Variants in MYO16 observed in about 807,000 individuals in gnomAD.
MYO16 encodes the protein unconventional myosin-XVI.
In MYO16, 94 loss-of-function variants were observed where a neutral mutation model predicts 205.3. The observed-to-expected ratio is 0.46, with a 90% confidence interval of 0.39 to 0.54. The LOEUF is 0.54. MYO16 is among the 20% of genes least tolerant of loss of function. MYO16 has a pLI of 0.00. For missense variants in MYO16, 2,315 were observed against 2,387.5 expected (o/e 0.97, Z 0.63); for synonymous variants, 988 against 954.0 (o/e 1.04, Z -0.66).
intron 23 of MYO16, among the ~76,000 whole-genome samples, chr13:109,023,152 TTATA>T (rs1435523136): frequency 1.5e-4 from 20 of 130,310 alleles, no homozygotes; most frequent in African/African-American, 5.6e-4. Flanking sequence ...TGTTTATGTA[TTATA>T]TATACAAATA....
At position 109,207,854 on chromosome 13, in the gene MYO16, C is replaced by T. The variant is rs1880670324; in HGVS notation, c.*1018C>T. 6.6e-6 allele frequency: 1 copy of T among 152,254 alleles called. No homozygotes were observed. The highest frequency in any genetic ancestry group is 1.9e-4 in the East Asian group (1 of 5,192). The allele number at this position is 152,254 out of a possible 1,614,324, so 9.4% of individuals were successfully genotyped here. ...GTATATCCTCAACCCTCCCATAATG[C>T]AAGGCCTTGTTCATTGATGTGCTTT... On this transcript the variant is annotated 3_prime_UTR_variant, in exon 35 of 35. Coordinates refer to ENST00000457511, the MANE Select transcript of MYO16 (RefSeq NM_001198950.3).
intron 23 of MYO16, among the ~76,000 whole-genome samples, chr13:109,024,739 T>C (rs1275452256): frequency 6.6e-6 from 1 of 152,166 alleles, no homozygotes; most frequent in Non-Finnish European, 1.5e-5. Context: ...TATAAAAATC[T>C]TTTATTGTAC....
At chr13:108,950,992 T>G (rs529199396) in intron 16 of MYO16, among the ~76,000 whole-genome samples, 162 of 152,336 alleles carry the variant, frequency 1.1e-3, no homozygotes, top group Non-Finnish European at 2.0e-3. Flanking sequence ...CTTTATAAAC[T>G]TGATAACAGA....
At chr13:109,145,134 T>G (rs1056095393) in intron 32 of MYO16, among the ~76,000 whole-genome samples, 3 of 152,222 alleles carry the variant, frequency 2.0e-5, no homozygotes, top group African/African-American at 7.2e-5. Context: ...TTGTAGTGCT[T>G]ACTGTGCCAG....
intron 23 of MYO16, among the ~76,000 whole-genome samples, chr13:109,026,376 G>T (rs1454416056): frequency 6.6e-6 from 1 of 152,194 alleles, no homozygotes. Flanking sequence ...ACCACGGGGG[G>T]AGGTATTGAA....
At chr13:108,698,525 A>G (rs1393080831) in intron 2 of MYO16, among the ~76,000 whole-genome samples, 3 of 152,210 alleles carry the variant, frequency 2.0e-5, no homozygotes, top group Admixed American at 6.5e-5. Flanking sequence ...CTCCCTGATT[A>G]ATTAAAACCT....
intron 2 of MYO16, among the ~76,000 whole-genome samples, chr13:108,688,955 T>G (rs1000580097): frequency 6.6e-6 from 1 of 152,176 alleles, no homozygotes; most frequent in Non-Finnish European, 1.5e-5. Flanking sequence ...TTATAAAGAT[T>G]TGACAACAGC....
chr13:108,746,506 A>G (rs1885067879), intron 4 of MYO16, among the ~76,000 whole-genome samples: 1 of 151,840 alleles, frequency 6.6e-6, no homozygotes, highest in Non-Finnish European at 1.5e-5. Context: ...ATATATATCA[A>G]AATGGCTAGA....
chr13:109,083,383 CAAAAAAAAAAAAAAAAAAAAAAA>C lies in MYO16; in HGVS notation c.3336-17388_3336-17366del, dbSNP rs71125367. ...GGGCAAAAAGAGGGAAACTCCGTCTCAAAAAAAAAAAAAAAAAAAAAAAAAAAAAAAAAAAAGCTTCTGCAGTA... is the reference window on the plus strand; with the variant it reads ...GGGCAAAAAGAGGGAAACTCCGTCTCAAAAAAAAAAAAAGCTTCTGCAGTA... On this transcript the variant is annotated intron_variant, in intron 27 of 34. Coordinates refer to ENST00000457511, the MANE Select transcript of MYO16 (RefSeq NM_001198950.3). Among the ~76,000 whole-genome samples, 57 of 52,324 alleles carry C rather than the reference CAAAAAAAAAAAAAAAAAAAAAAA, an allele frequency of 1.1e-3. 1 individual carries two copies. The highest frequency in any genetic ancestry group is 4.5e-3 in the African/African-American group (52 of 11,524). 34.3% of individuals were successfully genotyped at this position (52,324 alleles called of 152,430 possible).
intron 4 of MYO16, among the ~76,000 whole-genome samples, chr13:108,776,802 C>G (rs1594285393): frequency 1.3e-5 from 2 of 152,132 alleles, no homozygotes; most frequent in East Asian, 3.9e-4. Flanking sequence ...CACAACAACT[C>G]TGGGAGAATT....
chr13:108,715,964 AC>A (rs1831106091), intron 3 of MYO16, among the ~76,000 whole-genome samples: 1 of 151,830 alleles, frequency 6.6e-6, no homozygotes, highest in Non-Finnish European at 1.5e-5. Context: ...TGTCTTGGAT[AC>A]TTTTCTTAGC....
intron 1 of MYO16, among the ~76,000 whole-genome samples, chr13:108,600,656 C>T (rs1471120701): frequency 6.6e-6 from 1 of 152,152 alleles, no homozygotes; most frequent in East Asian, 1.9e-4. Context: ...CATGGCTGAA[C>T]TATTTTACTT....
the MYO16 span, among the ~76,000 whole-genome samples, chr13:108,537,134 T>A: frequency 6.6e-6 from 1 of 152,074 alleles, no homozygotes; most frequent in Admixed American, 6.6e-5. Flanking sequence ...CAGAATAGGT[T>A]ATTTTTCAAC....
chr13:109,180,079 A>T (rs532902631), intron 34 of MYO16, among the ~76,000 whole-genome samples: 132 of 152,278 alleles, frequency 8.7e-4, no homozygotes, highest in South Asian at 2.7e-3. Flanking sequence ...ATTCATTTCC[A>T]TGTAATTCAC....
At chr13:108,631,854 G>T (rs545245754) in intron 1 of MYO16, among the ~76,000 whole-genome samples, 1 of 152,274 alleles carries the variant, frequency 6.6e-6, no homozygotes, top group Admixed American at 6.5e-5. Context: ...AAAGCAGGCG[G>T]ATCACCTGAG....
rs970448095 is a variant in MYO16 at position 109,127,195 on chromosome 13, T to C, written c.3783-87T>C. The C allele has an allele frequency of 5.0e-5, 73 of 1,449,806 alleles. No homozygotes were observed. Among genetic ancestry groups the C allele is most frequent in the Admixed American group, 1.0e-4 (4 of 38,940 alleles). The allele number at this position is 1,449,806 out of a possible 1,614,324, so 89.8% of individuals were successfully genotyped here. On this transcript the variant is annotated intron_variant, in intron 30 of 34. Coordinates refer to ENST00000457511, the MANE Select transcript of MYO16 (RefSeq NM_001198950.3). This position sits in a 1 kb window ranked among gnomAD's most constrained non-coding sequence, Gnocchi z 4.2. ...GCTGCTTGCCAAAAAGCCGTCATTA[T>C]GTCTGCTTGAGCAGGTTCCTTGTTA...
At chr13:108,539,517 C>A in the MYO16 span, among the ~76,000 whole-genome samples, 385 of 152,196 alleles carry the variant, frequency 2.5e-3, 2 homozygotes, top group African/African-American at 7.8e-3. Context: ...TGATGATGAA[C>A]CTCCCTGTGG....
intron 32 of MYO16, among the ~76,000 whole-genome samples, chr13:109,153,109 G>A (rs1877772116): frequency 6.6e-6 from 1 of 152,118 alleles, no homozygotes; most frequent in Non-Finnish European, 1.5e-5. Flanking sequence ...GTTCAACACT[G>A]CATTTTTACT....
intron 12 of MYO16, among the ~76,000 whole-genome samples, chr13:108,880,554 G>A (rs1238968345): frequency 2.0e-5 from 3 of 152,144 alleles, no homozygotes; most frequent in Non-Finnish European, 2.9e-5. Flanking sequence ...GTGTAAGGAA[G>A]GGATCCAGTT....
Sources: allele counts gnomAD v4.1 joint callset (sites outside exome capture counted in the v4.1 genomes callset), GRCh38; gene constraint gnomAD v4.1.1; non-coding constraint Gnocchi (gnomAD v3.1); transcripts MANE v1.5; gene names NCBI Gene and HGNC (gene_info 2026-07-23, HGNC 2026-07-21).